FAM47E: variants seen among roughly 807,000 people sequenced by gnomAD.
The protein encoded by FAM47E is family with sequence similarity 47 member E, also known as protein FAM47E.
In FAM47E, 32 loss-of-function variants were observed where a neutral mutation model predicts 41.6. The observed-to-expected ratio is 0.77, with a 90% CI of 0.58 to 1.03. FAM47E has a LOEUF of 1.03. FAM47E is among the 50% of genes least tolerant of loss of function. The pLI is 0.00. For synonymous variants in FAM47E, 184 were observed against 188.7 expected, an observed-to-expected ratio of 0.98 and a Z score of 0.20; for missense variants, 424 against 485.4, an observed-to-expected ratio of 0.87 and a Z score of 1.19.
chr4:76,218,726 TC>T (rs1262475967), intron 2 of FAM47E, among the ~76,000 whole-genome samples: 2 of 152,222 alleles, frequency 1.3e-5, no homozygotes, highest in Non-Finnish European at 1.5e-5. Flanking sequence ...TTCACCTTTT[TC>T]TCTTCCCTTT....
chr4:76,276,360 T>TTTGG (rs1735109963), intron 5 of FAM47E, among the ~76,000 whole-genome samples: 1 of 57,722 alleles, frequency 1.7e-5, no homozygotes, highest in Non-Finnish European at 4.2e-5. Flanking sequence ...GGTTACTTTT[T>TTTGG]TTTGTTTGTT....
intron 2 of FAM47E, among the ~76,000 whole-genome samples, chr4:76,227,554 T>C (rs1255214617): frequency 6.6e-6 from 1 of 152,154 alleles, no homozygotes; most frequent in Admixed American, 6.5e-5. Context: ...CTATCTGGGG[T>C]ATAGTTTCAG....
In FAM47E at chr4:76,268,685, G is replaced by T; in HGVS notation, c.586G>T (p.Ala196Ser). 1 of 1,551,152 alleles carries T rather than the reference G, an allele frequency of 6.4e-7. No individual in the cohort carries two copies. The highest frequency in any genetic ancestry group is 8.7e-7 in the Non-Finnish European group (1 of 1,146,824). The stretch of plus-strand genomic sequence containing the variant: ...TTCCAAGAAGACGTCTGTGTCAAAC[G>T]CAGGCCAATGGCTTTATGAAGAAAA... ...GPSKKTSVSN[A>S]GQWLYEEKPH... The change falls in exon 4 of 8, where the codon GCA becomes TCA. Residue 196 changes from alanine (A) to serine (S), a missense_variant. By Grantham distance (99) the Ala-to-Ser change is moderately conservative. Coordinates refer to ENST00000424749, the MANE Select transcript of FAM47E (RefSeq NM_001136570.3).
intron 2 of FAM47E, among the ~76,000 whole-genome samples, chr4:76,228,500 G>T (rs1268891842): frequency 6.6e-6 from 1 of 151,140 alleles, no homozygotes; most frequent in African/African-American, 2.4e-5. Context: ...AAGAAAGAAA[G>T]AAAAAAAATT....
chr4:76,214,545 C>G (rs1733163245), intron 1 of FAM47E: 2 of 343,352 alleles, frequency 5.8e-6, no homozygotes, highest in Admixed American at 8.0e-5. Context: ...CCCAAGAGGT[C>G]AGACTTTGAA....
chr4:76,242,567 G>A (rs1231036741), intron 2 of FAM47E, among the ~76,000 whole-genome samples: 1 of 152,186 alleles, frequency 6.6e-6, no homozygotes, highest in Admixed American at 6.5e-5. Context: ...AATATTCCTT[G>A]AGTGCCTCTT....
chr4:76,277,554 A>G (rs1342071353), intron 5 of FAM47E, among the ~76,000 whole-genome samples: 1 of 152,126 alleles, frequency 6.6e-6, no homozygotes, highest in Admixed American at 6.5e-5. Context: ...TGATAAAAAA[A>G]AAAATATTGT....
At chr4:76,223,867 A>C (rs1025195355) in intron 2 of FAM47E, among the ~76,000 whole-genome samples, 3 of 152,060 alleles carry the variant, frequency 2.0e-5, no homozygotes, top group Non-Finnish European at 4.4e-5. Flanking sequence ...GTCTCCCTGG[A>C]CTATTGAAGA....
At chr4:76,275,393 A>G (rs1021491206) in intron 5 of FAM47E, among the ~76,000 whole-genome samples, 2 of 152,234 alleles carry the variant, frequency 1.3e-5, no homozygotes, top group Middle Eastern at 3.4e-3. Context: ...TCTCACAGCA[A>G]TCTGTGCCTC....
chr4:76,256,066 TA>T, intron 1 of FAM47E, 111 bp from the exon 2 acceptor site: 4 of 1,264,664 alleles, frequency 3.2e-6, no homozygotes, highest in Non-Finnish European at 4.3e-6. Context: ...CCCCCAACCC[TA>T]AAAGCTGGAG....
chr4:76,227,661 C>T (rs1303935200), intron 2 of FAM47E, among the ~76,000 whole-genome samples: 2 of 152,156 alleles, frequency 1.3e-5, no homozygotes, highest in African/African-American at 4.8e-5. Flanking sequence ...CCATCTATCT[C>T]ATTTCTTAGG....
chr4:76,280,465 C>G, intron 7 of FAM47E, 124 bp downstream of exon 7: 1 of 527,436 alleles, frequency 1.9e-6, no homozygotes, highest in Non-Finnish European at 3.4e-6. Flanking sequence ...CCAAGACAGG[C>G]CCCTGGAAGA....
chr4:76,245,072 C>T (rs1733796003), intron 2 of FAM47E, among the ~76,000 whole-genome samples: 1 of 152,140 alleles, frequency 6.6e-6, no homozygotes. Context: ...CAGAAATGGA[C>T]ATGCACATTG....
At chr4:76,242,728 T>C (rs1442115462) in intron 2 of FAM47E, among the ~76,000 whole-genome samples, 1 of 152,216 alleles carries the variant, frequency 6.6e-6, no homozygotes, top group Non-Finnish European at 1.5e-5. Context: ...AGATTTAGTA[T>C]GAAAAAGAAT....
At chr4:76,261,635 C>T (rs980974079) in intron 2 of FAM47E, among the ~76,000 whole-genome samples, 8 of 152,114 alleles carry the variant, frequency 5.3e-5, no homozygotes, top group African/African-American at 1.9e-4. Flanking sequence ...TATACATGGT[C>T]ATAAAGATGG....
At chr4:76,216,745 G>A (rs1171387230) in intron 1 of FAM47E, among the ~76,000 whole-genome samples, 2 of 152,176 alleles carry the variant, frequency 1.3e-5, no homozygotes, top group Non-Finnish European at 2.9e-5. Flanking sequence ...CTCTGGACAA[G>A]CCGAATGAAA....
At chr4:76,259,945 G>T (rs1734339812) in intron 2 of FAM47E, among the ~76,000 whole-genome samples, 1 of 152,012 alleles carries the variant, frequency 6.6e-6, no homozygotes, top group Admixed American at 6.6e-5. Context: ...ACCAAATCAA[G>T]AACTCAATAT....
At chr4:76,265,967 A>G (rs959836295) in intron 3 of FAM47E, among the ~76,000 whole-genome samples, 23 of 152,304 alleles carry the variant, frequency 1.5e-4, no homozygotes, top group African/African-American at 4.8e-4. Flanking sequence ...CTCTCCAAAC[A>G]ACAATCAGGC....
At chr4:76,234,126 G>A (rs147647699) in intron 2 of FAM47E, among the ~76,000 whole-genome samples, 1 of 152,186 alleles carries the variant, frequency 6.6e-6, no homozygotes, top group Non-Finnish European at 1.5e-5. Context: ...CCCAGGCAGG[G>A]AGGGGAGGGT....
Sources: gnomAD v4.1 joint callset for allele counts (sites outside exome capture counted in the v4.1 genomes callset) on GRCh38, gnomAD v4.1.1 for gene constraint, MANE v1.5 for transcripts, NCBI Gene and HGNC (gene_info 2026-07-23, HGNC 2026-07-21) for gene names.